Variants in TBC1D30 observed in about 807,000 individuals in gnomAD.
The protein encoded by TBC1D30 is TBC1 domain family member 30, also known as TBC1 domain family, member 30.
Under a neutral mutation model 63.2 loss-of-function variants are expected in TBC1D30, and 31 were observed. That is an observed-to-expected ratio of 0.49 (90% CI 0.37 to 0.66). The LOEUF (loss-of-function observed/expected upper bound fraction) is 0.66, where lower values mean the gene tolerates loss of function less well. Among genes scored for constraint, TBC1D30 ranks in the 30% least tolerant of loss-of-function variants. TBC1D30 has a pLI of 0.00. For missense variants in TBC1D30, 810 were observed against 953.6 expected, an observed-to-expected ratio of 0.85 and a Z score of 1.98; for synonymous variants, 307 against 361.5, an observed-to-expected ratio of 0.85 and a Z score of 1.71.
upstream of TBC1D30, among the ~76,000 whole-genome samples, chr12:64,820,166 A>C (rs367959194): frequency 5.6e-4 from 85 of 152,076 alleles, no homozygotes; most frequent in African/African-American, 2.0e-3. Context: ...CTGTTAAACA[A>C]AAAAAATAGC....
At chr12:64,791,280 T>C (rs971835421) in intron 2 of TBC1D30, among the ~76,000 whole-genome samples, 1 of 152,144 alleles carries the variant, frequency 6.6e-6, no homozygotes, top group Non-Finnish European at 1.5e-5. Flanking sequence ...GAATGGGCAG[T>C]GACTACTAAT....
upstream of TBC1D30, among the ~76,000 whole-genome samples, chr12:64,821,372 G>A (rs566696238): frequency 2.6e-5 from 4 of 152,182 alleles, no homozygotes; most frequent in East Asian, 1.9e-4. Context: ...GGGGCAGGAC[G>A]TCCTCCTCTC....
At chr12:64,822,984 T>C (rs1167218134), upstream of TBC1D30, among the ~76,000 whole-genome samples, 2 of 152,090 alleles carry the variant, frequency 1.3e-5, no homozygotes, top group African/African-American at 4.8e-5. Context: ...TGGGTGTTCA[T>C]TGCTGCTGAG....
chr12:64,765,490 CAAAAAAAAAA>C (rs60489979), intron 1 of TBC1D30, among the ~76,000 whole-genome samples: 3 of 17,600 alleles, frequency 1.7e-4, no homozygotes, highest in Non-Finnish European at 2.4e-4. Context: ...AGACTGTCTC[CAAAAAAAAAA>C]AAAAAAAAAA....
intron 2 of TBC1D30, among the ~76,000 whole-genome samples, chr12:64,795,704 C>CTTT (rs1200673199): frequency 7.5e-6 from 1 of 133,128 alleles, no homozygotes; most frequent in African/African-American, 2.7e-5. Context: ...CTCCACGCTC[C>CTTT]TTTTTTTTTT....
At chr12:64,873,937 C>T (rs1395048750) in intron 11 of TBC1D30, among the ~76,000 whole-genome samples, 3 of 152,154 alleles carry the variant, frequency 2.0e-5, no homozygotes, top group Non-Finnish European at 2.9e-5. Context: ...AACTCGCACA[C>T]AGAGGGAGAG....
intron 5 of TBC1D30, 93 bp from the exon 6 acceptor site, chr12:64,836,397 G>GT (rs1875355292): frequency 1.9e-6 from 2 of 1,038,822 alleles, no homozygotes; most frequent in Non-Finnish European, 2.7e-6. Context: ...GGCTAACAGC[G>GT]TTTTATCTAT....
chr12:64,876,555 A>G lies in TBC1D30; in HGVS notation c.*767A>G. On this transcript the variant is annotated 3_prime_UTR_variant, in exon 12 of 12. Transcript: ENST00000539867. ...TCCTGAGGTTTGTGTTCGCCTCTCAAGGAGAGCTTTGATCCTCAGTGGTAC... is the reference window on the plus strand; with the variant it reads ...TCCTGAGGTTTGTGTTCGCCTCTCAGGGAGAGCTTTGATCCTCAGTGGTAC... The G allele has an allele frequency of 3.1e-6, 1 of 322,784 alleles. No individual in the cohort carries two copies. Among genetic ancestry groups the G allele is most frequent in the South Asian group, 2.7e-5 (1 of 37,614 alleles). The allele number at this position is 322,784 out of a possible 1,614,324, so 20.0% of individuals were successfully genotyped here.
At chr12:64,845,904 C>T (rs987385095) in intron 8 of TBC1D30, among the ~76,000 whole-genome samples, 1 of 152,166 alleles carries the variant, frequency 6.6e-6, no homozygotes, top group African/African-American at 2.4e-5. Context: ...AAGTGATCCT[C>T]CCGCCGAGCT....
At chr12:64,854,586 C>T (rs750037204) in intron 8 of TBC1D30, among the ~76,000 whole-genome samples, 3 of 151,722 alleles carry the variant, frequency 2.0e-5, no homozygotes, top group Non-Finnish European at 4.4e-5. Flanking sequence ...GCTCCGTCTC[C>T]CAGGTTCATG....
rs2136329507 is a variant in TBC1D30, at chr12:64,810,739, G to A, written c.644-17096G>A. 2.0e-5 allele frequency among the ~76,000 whole-genome samples: 3 copies of A among 152,316 alleles called. No individual in the cohort carries two copies. In the South Asian group the frequency reaches 6.2e-4, roughly 32 times the overall value. ...AGAAAACAGGCAATGGCTAACTACT[G>A]AATCAAATCCTAGACAATATTGTTC... On this transcript the variant is annotated intron_variant, in intron 2 of 12. Coordinates refer to the TBC1D30 transcript ENST00000542120.
chr12:64,873,229 T>C (rs1013570025), intron 11 of TBC1D30, among the ~76,000 whole-genome samples: 2 of 152,172 alleles, frequency 1.3e-5, no homozygotes, highest in African/African-American at 4.8e-5. Context: ...TGATAGCTTT[T>C]GTTTTCATGG....
At chr12:64,828,195 C>A (rs965387703) in intron 2 of TBC1D30, among the ~76,000 whole-genome samples, 1 of 152,128 alleles carries the variant, frequency 6.6e-6, no homozygotes, top group Non-Finnish European at 1.5e-5. Flanking sequence ...GCTTATTAAC[C>A]AGAGCTTCCC....
intron 1 of TBC1D30, among the ~76,000 whole-genome samples, chr12:64,774,537 A>G (rs1228461202): frequency 6.6e-6 from 1 of 152,222 alleles, no homozygotes; most frequent in Non-Finnish European, 1.5e-5. Context: ...AAGGGGACCT[A>G]GAGAGAAAAG....
intron 4 of TBC1D30, 106 bp from the exon 5 acceptor site, chr12:64,832,013 T>G (rs1000042562): frequency 5.2e-6 from 6 of 1,152,526 alleles, no homozygotes; most frequent in Non-Finnish European, 3.4e-6. Flanking sequence ...TTAAAAAAAT[T>G]TTATGTCGAT....
chr12:64,816,810 C>A (rs1873569896), intron 2 of TBC1D30, among the ~76,000 whole-genome samples: 3 of 151,924 alleles, frequency 2.0e-5, no homozygotes, highest in Admixed American at 2.0e-4. Flanking sequence ...TCCTCCCTCC[C>A]TTCCTGCCTT....
intron 1 of TBC1D30, among the ~76,000 whole-genome samples, chr12:64,782,138 C>G (rs111832477): frequency 3.3e-5 from 5 of 150,982 alleles, no homozygotes; most frequent in African/African-American, 1.2e-4. Flanking sequence ...TTAGAGTTGT[C>G]TTTTTTGGTA....
chr12:64,765,131 C>T (rs1301664158), intron 1 of TBC1D30, among the ~76,000 whole-genome samples: 1 of 152,170 alleles, frequency 6.6e-6, no homozygotes, highest in Non-Finnish European at 1.5e-5. Flanking sequence ...AACACTCTTT[C>T]AGGGAAGACT....
At chr12:64,778,849 C>T (rs530916484), upstream of TBC1D30, among the ~76,000 whole-genome samples, 13 of 152,064 alleles carry the variant, frequency 8.5e-5, no homozygotes, top group African/African-American at 2.9e-4. Flanking sequence ...TAAGCAGAGA[C>T]GAGACTTGGT....
Sources: allele counts gnomAD v4.1 joint callset (sites outside exome capture counted in the v4.1 genomes callset), GRCh38; gene constraint gnomAD v4.1.1; transcripts MANE v1.5; gene names NCBI Gene and HGNC (gene_info 2026-07-23, HGNC 2026-07-21).